Variants in DTWD1 observed in about 807,000 individuals in gnomAD.
DTWD1 encodes the protein DTW motif tRNA-uridine aminocarboxypropyltransferase 1.
A neutral mutation model predicts 30.2 loss-of-function variants in DTWD1; 27 were observed. That is an observed-to-expected ratio of 0.90 (90% CI 0.66 to 1.23). DTWD1 has a LOEUF of 1.23. Ranked by LOEUF, DTWD1 falls within the 50% of genes most tolerant of loss-of-function variation. The pLI, the probability that DTWD1 is intolerant of heterozygous loss-of-function variation, is 0.00. For missense variants in DTWD1, 342 were observed against 348.8 expected (o/e 0.98, Z 0.15); for synonymous variants, 99 against 113.1 (o/e 0.88, Z 0.79).
At chr15:49,632,505 C>T (rs1282956800) in intron 3 of DTWD1, among the ~76,000 whole-genome samples, 1 of 152,132 alleles carries the variant, frequency 6.6e-6, no homozygotes, top group East Asian at 1.9e-4. Flanking sequence ...GTTTTTGAGT[C>T]TTTCTGCATT....
At chr15:49,629,524 T>C (rs1321469767) in intron 2 of DTWD1, 1 of 152,218 alleles carries the variant, frequency 6.6e-6, no homozygotes, top group Non-Finnish European at 1.5e-5. Context: ...CTGCTTTCTT[T>C]TTCTTTTCTT....
rs565331817 is a variant in DTWD1 at position 49,635,319 on chromosome 15, G to A, written c.667+525G>A. 7.2e-5 allele frequency among the ~76,000 whole-genome samples: 11 copies of A among 152,190 alleles called. No homozygotes were observed. In the South Asian group the frequency reaches 2.3e-3, roughly 32 times the overall value. On this transcript the variant is annotated intron_variant, in intron 4 of 4. Transcript: ENST00000403028. ...CAAAGTGCTGGGATTATAGGCATGAGCTACCACGTCCAGCCTAAGTGTACA... is the reference window on the plus strand; with the variant it reads ...CAAAGTGCTGGGATTATAGGCATGAACTACCACGTCCAGCCTAAGTGTACA...
Position 49,625,286 on chromosome 15 carries a change from G to A in DTWD1, c.119G>A (p.Cys40Tyr), listed in dbSNP as rs747488680. 21 of 1,613,520 alleles carry A rather than the reference G, an allele frequency of 1.3e-5. No homozygotes were observed. Among genetic ancestry groups the A allele is most frequent in the South Asian group, 3.3e-5 (3 of 91,058 alleles). The change falls in exon 2 of 5, where the codon TGT becomes TAT. Residue 40 changes from cysteine to tyrosine, a missense_variant. Physicochemically the swap from Cys to Tyr is radical, Grantham distance 194. Coordinates refer to ENST00000403028, the MANE Select transcript of DTWD1 (RefSeq NM_001144955.2). ...TCAGAAGATCCCCTTCAAAACTTAT[G>A]TTTAGCATCTCAAGAAGTTCTTCAA... ...IASEDPLQNL[C>Y]LASQEVLQKA...
rs774128629 is a variant in DTWD1 at position 49,625,431 on chromosome 15, G to T, written c.264G>T (p.Lys88Asn). ...NVPIEQIPLV[K>N]LPLKIDIIKH... ...CTATTGAACAGATTCCACTTGTGAA[G>T]GTTAGTAAGAAATTTAATTGTTTGA... Residue 88 changes from lysine (K) to asparagine (N), a missense_variant and splice_region_variant, in exon 2 of 5, where the codon AAG becomes AAT. Coordinates refer to ENST00000403028, the MANE Select transcript of DTWD1 (RefSeq NM_001144955.2). 11 of 1,602,902 alleles carry T rather than the reference G, an allele frequency of 6.9e-6. No homozygotes were observed. The Admixed American group carries it at 1.5e-4, about 22-fold the overall frequency.
rs2153354192 is a variant in DTWD1, at chr15:49,643,615, A to G, written c.*37A>G. 1 of 1,528,678 alleles carries G rather than the reference A, an allele frequency of 6.5e-7. No homozygotes were observed. Among genetic ancestry groups the G allele is most frequent in the Non-Finnish European group, 8.8e-7 (1 of 1,137,550 alleles). 94.7% of individuals were successfully genotyped at this position (1,528,678 alleles called of 1,614,324 possible). ...CCACTTATGTCTTTTTATTTTGCTA[A>G]CATTAATAAACTTATATTTGTGCTT... On this transcript the variant is annotated 3_prime_UTR_variant, in exon 5 of 5. Transcript: ENST00000403028.
At chr15:49,631,475 G>A (rs2078919736) in intron 2 of DTWD1, among the ~76,000 whole-genome samples, 2 of 152,094 alleles carry the variant, frequency 1.3e-5, no homozygotes, top group Admixed American at 6.6e-5. Context: ...TTTTAAAATA[G>A]CGTAAGAGGC....
At chr15:49,639,212 T>C (rs1028649793) in intron 4 of DTWD1, among the ~76,000 whole-genome samples, 1 of 152,166 alleles carries the variant, frequency 6.6e-6, no homozygotes, top group African/African-American at 2.4e-5. Flanking sequence ...GCAGCACTTT[T>C]GGAAGGAAAA....
rs537731480 is a variant in DTWD1, at chr15:49,621,729, C to T, written c.-56+607C>T. On this transcript the variant is annotated intron_variant, in intron 1 of 4. Coordinates refer to ENST00000403028, the MANE Select transcript of DTWD1 (RefSeq NM_001144955.2). ...GCAGCATGTAAGGACTAACCCAGTG[C>T]ACCATGAAAACGAAGGCAAGACAGT... Among the ~76,000 whole-genome samples, 2 of 152,242 alleles carry T rather than the reference C, an allele frequency of 1.3e-5. 1 individual carries two copies. The highest frequency in any genetic ancestry group is 1.3e-4 in the Admixed American group (2 of 15,302).
Position 49,650,960 on chromosome 15 carries a change from G to C in DTWD1, c.*7382G>C, listed in dbSNP as rs753074210. The C allele has an allele frequency of 6.6e-6, 1 of 152,124 alleles. No individual in the cohort carries two copies. The highest frequency in any genetic ancestry group is 2.4e-5 in the African/African-American group (1 of 41,430). The allele number at this position is 152,124 out of a possible 1,614,324, so 9.4% of individuals were successfully genotyped here. ...AGAATCCCATCACATGTGGCACATG[G>C]AACAAAAGCCCATGGCTCAAGGTGG... On this transcript the variant is annotated 3_prime_UTR_variant, in exon 5 of 5. Coordinates refer to ENST00000403028, the MANE Select transcript of DTWD1 (RefSeq NM_001144955.2).
In DTWD1 at chr15:49,621,127, G is replaced by C. The variant is rs902346009; in HGVS notation, c.-56+5G>C. The C allele has an allele frequency of 2.0e-5, 3 of 152,396 alleles. No homozygotes were observed. The highest frequency in any genetic ancestry group is 4.4e-5 in the Non-Finnish European group (3 of 68,210). 9.4% of individuals were successfully genotyped at this position (152,396 alleles called of 1,614,324 possible). A position where few individuals can be genotyped will look rare whatever the true frequency, so the allele number is the denominator to read the frequency against. On this transcript the variant is annotated splice_donor_5th_base_variant and intron_variant, in intron 1 of 4. Transcript: ENST00000403028. ...CGAGGACTCGCGGGTGTGCAGGTCT[G>C]AGTACCACTCCGATCCCTGGTGGAG...
rs1234187831 is a variant in DTWD1 at position 49,652,892 on chromosome 15, G to A, written c.*9314G>A. 1 of 152,198 alleles carries A rather than the reference G, an allele frequency of 6.6e-6. No individual in the cohort carries two copies. The highest frequency in any genetic ancestry group is 1.5e-5 in the Non-Finnish European group (1 of 68,040). The allele number at this position is 152,198 out of a possible 1,614,324, so 9.4% of individuals were successfully genotyped here. On this transcript the variant is annotated 3_prime_UTR_variant, in exon 5 of 5. Transcript: ENST00000403028. ...TCCTTCAGAGTCTGCTTCAACTGCA[G>A]AAGGACACTGTGCTTGAGGTCATAC... is the stretch of plus-strand genomic sequence containing the variant.
In DTWD1 at chr15:49,637,134, T is replaced by A. The variant is rs552176562; in HGVS notation, c.667+2340T>A. On this transcript the variant is annotated intron_variant, in intron 4 of 4. Coordinates refer to ENST00000403028, the MANE Select transcript of DTWD1 (RefSeq NM_001144955.2). The stretch of plus-strand genomic sequence containing the variant: ...TGTAAAGAAGAGCTTTTCCTTTTTC[T>A]CCTGTTCTTTATTTCTTTCTCTTTC... Among the ~76,000 whole-genome samples the A allele has an allele frequency of 8.8e-4, 134 of 152,310 alleles. 5 individuals are homozygous for A. In the South Asian group the frequency reaches 0.026, roughly 30 times the overall value.
Position 49,650,018 on chromosome 15 carries a change from T to A in DTWD1, c.*6440T>A, listed in dbSNP as rs1325870166. On this transcript the variant is annotated 3_prime_UTR_variant, in exon 5 of 5. Transcript: ENST00000403028. ...GAGCAGAGACCTAAATGAGAGAGAG[T>A]GAACCATGCGAATAATTAAGTGAAT... The A allele has an allele frequency of 1.3e-5, 2 of 151,110 alleles. No homozygotes were observed. Among genetic ancestry groups the A allele is most frequent in the African/African-American group, 2.5e-5 (1 of 40,760 alleles). 9.4% of individuals were successfully genotyped at this position (151,110 alleles called of 1,614,324 possible).
In DTWD1 at chr15:49,643,372, T is replaced by G. The variant is rs1424657434; in HGVS notation, c.709T>G (p.Trp237Gly). The change falls in exon 5 of 5, where the codon TGG (tryptophan) becomes GGG (glycine). Residue 237 changes from tryptophan (W) to glycine (G), a missense_variant. Physicochemically the swap from Trp to Gly is radical, Grantham distance 184. Transcript: ENST00000403028. ...VELKTRKTCFWRHQKGKPDTF... is the reference protein window; with the variant it reads ...VELKTRKTCFGRHQKGKPDTF... Reference sequence around the variant, plus strand: ...GTTGAAAACAAGAAAAACTTGCTTTTGGCGCCATCAAAAAGGAAAGCCAGA... The same window carrying G: ...GTTGAAAACAAGAAAAACTTGCTTTGGGCGCCATCAAAAAGGAAAGCCAGA... 2.5e-6 allele frequency: 4 copies of G among 1,577,720 alleles called. No homozygotes were observed. Among genetic ancestry groups the G allele is most frequent in the Non-Finnish European group, 3.4e-6 (4 of 1,168,424 alleles).
intron 1 of DTWD1, among the ~76,000 whole-genome samples, chr15:49,622,236 C>A (rs1374629880): frequency 1.3e-5 from 2 of 152,128 alleles, no homozygotes; most frequent in Non-Finnish European, 2.9e-5. Flanking sequence ...GAGTTGAATG[C>A]TGGAGGGGAT....
In DTWD1 at chr15:49,651,410, G is replaced by C. The variant is rs902651798; in HGVS notation, c.*7832G>C. 2 of 152,114 alleles carry C rather than the reference G, an allele frequency of 1.3e-5. No homozygotes were observed. Among genetic ancestry groups the C allele is most frequent in the African/African-American group, 4.8e-5 (2 of 41,418 alleles). 9.4% of individuals were successfully genotyped at this position (152,114 alleles called of 1,614,324 possible). ...TTGCCTAGTTGACGTCATCCTTCCT[G>C]CTTCAGTTATTCGCCACCCAGTGCT... On this transcript the variant is annotated 3_prime_UTR_variant, in exon 5 of 5. Coordinates refer to ENST00000403028, the MANE Select transcript of DTWD1 (RefSeq NM_001144955.2).
At position 49,651,046 on chromosome 15, in the gene DTWD1, G is replaced by A. The variant is rs1235489466; in HGVS notation, c.*7468G>A. The A allele has an allele frequency of 1.3e-5, 2 of 152,234 alleles. No individual in the cohort carries two copies. The highest frequency in any genetic ancestry group is 4.8e-5 in the African/African-American group (2 of 41,544). The allele number at this position is 152,234 out of a possible 1,614,324, so 9.4% of individuals were successfully genotyped here. A position where few individuals can be genotyped will look rare whatever the true frequency, so the allele number is the denominator to read the frequency against. ...CACGGAAGAGAATGTGCCAGCAAGT[G>A]CAGTATATCAGGTATTTGAGACTCA... is the stretch of plus-strand genomic sequence containing the variant. On this transcript the variant is annotated 3_prime_UTR_variant, in exon 5 of 5. Coordinates refer to ENST00000403028, the MANE Select transcript of DTWD1 (RefSeq NM_001144955.2).
rs1405410013 is a variant in DTWD1 at position 49,649,054 on chromosome 15, C to T, written c.*5476C>T. ...AATTTGTGATTTCTAAAATTGAGGA[C>T]ATTAAGTCATTAGAGTAAAAAAAAG... On this transcript the variant is annotated 3_prime_UTR_variant, in exon 5 of 5. Transcript: ENST00000403028. 2 of 151,894 alleles carry T rather than the reference C, an allele frequency of 1.3e-5. No individual in the cohort carries two copies. The highest frequency in any genetic ancestry group is 3.9e-4 in the East Asian group (2 of 5,174). 9.4% of individuals were successfully genotyped at this position (151,894 alleles called of 1,614,324 possible).
In DTWD1 at chr15:49,643,794, A is replaced by G. The variant is rs963244438; in HGVS notation, c.*216A>G. 4.8e-6 allele frequency: 2 copies of G among 419,624 alleles called. No individual in the cohort carries two copies. The highest frequency in any genetic ancestry group is 4.1e-5 in the African/African-American group (2 of 48,330). 26.0% of individuals were successfully genotyped at this position (419,624 alleles called of 1,614,324 possible). A position where few individuals can be genotyped will look rare whatever the true frequency, so the allele number is the denominator to read the frequency against. Reference sequence around the variant, plus strand: ...GATTGAAAAACTTACTTCAGAAGTTATTTGCTCAGTGAAACCTCAGTTTCA... The same window carrying G: ...GATTGAAAAACTTACTTCAGAAGTTGTTTGCTCAGTGAAACCTCAGTTTCA... On this transcript the variant is annotated 3_prime_UTR_variant, in exon 5 of 5. Coordinates refer to ENST00000403028, the MANE Select transcript of DTWD1 (RefSeq NM_001144955.2).
Sources: allele counts gnomAD v4.1 joint callset (sites outside exome capture counted in the v4.1 genomes callset), GRCh38; gene constraint gnomAD v4.1.1; transcripts MANE v1.5; gene names NCBI Gene and HGNC (gene_info 2026-07-23, HGNC 2026-07-21).